Variants in WFDC11 observed in about 807,000 individuals in gnomAD.
WFDC11 encodes WAP four-disulfide core domain 11.
In WFDC11, 9 loss-of-function variants were observed where a neutral mutation model predicts 9.9. The ratio of observed to expected loss-of-function variants is 0.91; its 90% CI spans 0.55 to 1.58. The LOEUF (loss-of-function observed/expected upper bound fraction) is 1.58. WFDC11 is among the 40% of genes most tolerant of loss of function. The pLI is 0.00. For missense variants in WFDC11, 106 were observed against 101.7 expected (o/e 1.04, Z -0.18); for synonymous variants, 32 against 33.3 (o/e 0.96, Z 0.13).
At position 45,669,833 on chromosome 20, in the gene WFDC11, G is replaced by A. The variant is rs187778222; in HGVS notation, c.-134+345C>T. On this transcript the variant is annotated intron_variant, in intron 1 of 4. Transcript: ENST00000324384. ...AAATAACCAAAATTAGAGCTGAACT[G>A]AACAAAATGGAGATAAGGGAAACCA... Among the ~76,000 whole-genome samples, 6 of 152,104 alleles carry A rather than the reference G, an allele frequency of 3.9e-5. No homozygotes were observed. The East Asian group carries it at 7.7e-4, about 20-fold the overall frequency.
intron 2 of WFDC11, among the ~76,000 whole-genome samples, chr20:45,662,295 T>G (rs2145622212): frequency 6.6e-6 from 1 of 152,350 alleles, no homozygotes; most frequent in Non-Finnish European, 1.5e-5. Flanking sequence ...CTGAAGTTGC[T>G]TATCAGCTTA....
Position 45,648,634 on chromosome 20 carries a change from T to G in WFDC11, c.*85A>C. 1.4e-6 allele frequency: 2 copies of G among 1,463,558 alleles called. No individual in the cohort carries two copies. Among genetic ancestry groups the G allele is most frequent in the Non-Finnish European group, 9.5e-7 (1 of 1,053,310 alleles). 90.7% of individuals were successfully genotyped at this position (1,463,558 alleles called of 1,614,324 possible). On this transcript the variant is annotated 3_prime_UTR_variant, in exon 5 of 5. Transcript: ENST00000324384. ...CTCAGTAAAAATAGACTGGTGTTCCTAAAAGTAGCCACAGGGTACTACTAT... is the reference window on the plus strand; with the variant it reads ...CTCAGTAAAAATAGACTGGTGTTCCGAAAAGTAGCCACAGGGTACTACTAT...
At position 45,650,487 on chromosome 20, in the gene WFDC11, GC is replaced by G. The variant is rs1214742643; in HGVS notation, c.100+13del. The G allele has an allele frequency of 1.2e-6, 2 of 1,608,620 alleles. No homozygotes were observed. Among genetic ancestry groups the G allele is most frequent in the Non-Finnish European group, 1.7e-6 (2 of 1,175,478 alleles). ...TCCCCCTCCTGTGGCCCCTAATCCA[GC>G]CTCACCACCTACTGTCATATCTTTT... On this transcript the variant is annotated intron_variant, in intron 3 of 4. Coordinates refer to ENST00000324384, the MANE Select transcript of WFDC11 (RefSeq NM_147197.2).
At chr20:45,652,981 G>A (rs1982844941) in intron 2 of WFDC11, among the ~76,000 whole-genome samples, 1 of 152,200 alleles carries the variant, frequency 6.6e-6, no homozygotes, top group Non-Finnish European at 1.5e-5. Context: ...GTGACAGGGA[G>A]AATGGAACCA....
intron 2 of WFDC11, among the ~76,000 whole-genome samples, chr20:45,656,223 T>TAAA (rs141256331): frequency 0.015 from 2,227 of 150,862 alleles, 51 homozygotes; most frequent in African/African-American, 0.051. Flanking sequence ...ATAGTACTGG[T>TAAA]AAAAAAAAAC....
At chr20:45,669,861 C>T (rs1458936387) in intron 1 of WFDC11, among the ~76,000 whole-genome samples, 1 of 152,106 alleles carries the variant, frequency 6.6e-6, no homozygotes, top group Admixed American at 6.5e-5. Context: ...GGAAACCATA[C>T]AAAAGATCCA....
chr20:45,669,715 A>G (rs970776162), intron 1 of WFDC11, among the ~76,000 whole-genome samples: 3 of 152,144 alleles, frequency 2.0e-5, no homozygotes, highest in African/African-American at 7.2e-5. Context: ...GCCCACATCA[A>G]AAAGTTAGAA....
rs547646811 is a variant in WFDC11 at position 45,662,888 on chromosome 20, T to G, written c.-52+4200A>C. 1.6e-4 allele frequency among the ~76,000 whole-genome samples: 25 copies of G among 152,268 alleles called. 1 individual carries two copies. Among genetic ancestry groups the G allele is most frequent in the East Asian group, 1.3e-3 (7 of 5,190 alleles). On this transcript the variant is annotated intron_variant, in intron 2 of 4. Transcript: ENST00000324384. The stretch of plus-strand genomic sequence containing the variant: ...ATATTGGTATAAAATTATCTTTTAT[T>G]GTAGTGTCTCTGCCAGCCTTTGGTA...
intron 2 of WFDC11, among the ~76,000 whole-genome samples, chr20:45,660,652 G>A (rs1259002922): frequency 6.6e-6 from 1 of 152,136 alleles, no homozygotes; most frequent in Non-Finnish European, 1.5e-5. Context: ...ACCTATGAGT[G>A]AGAATACGCG....
intron 4 of WFDC11, 129 bp from the exon 5 acceptor site, chr20:45,648,868 G>T: frequency 9.6e-7 from 1 of 1,038,148 alleles, no homozygotes; most frequent in Non-Finnish European, 1.4e-6. Flanking sequence ...AACAACAGGA[G>T]TTGTCCACTT....
chr20:45,660,294 G>A (rs1299320547), intron 2 of WFDC11, among the ~76,000 whole-genome samples: 1 of 152,162 alleles, frequency 6.6e-6, no homozygotes, highest in African/African-American at 2.4e-5. Flanking sequence ...TCAGGAACAG[G>A]TTATTTAATT....
chr20:45,662,823 A>G (rs531638717), intron 2 of WFDC11, among the ~76,000 whole-genome samples: 2 of 152,308 alleles, frequency 1.3e-5, no homozygotes, highest in Non-Finnish European at 2.9e-5. Flanking sequence ...TCAGTTTGCC[A>G]GTGTTTTATT....
At chr20:45,651,304 T>C (rs957014044) in intron 2 of WFDC11, among the ~76,000 whole-genome samples, 2 of 152,236 alleles carry the variant, frequency 1.3e-5, no homozygotes, top group African/African-American at 4.8e-5. Flanking sequence ...TTTTCAACTT[T>C]ATGATGGTGC....
chr20:45,658,334 T>C (rs1982979557), intron 2 of WFDC11, among the ~76,000 whole-genome samples: 1 of 152,226 alleles, frequency 6.6e-6, no homozygotes, highest in Non-Finnish European at 1.5e-5. Context: ...ATCCATCTTG[T>C]ATAACTGAAA....
Position 45,657,465 on chromosome 20 carries a change from G to A in WFDC11, c.-51-6814C>T, listed in dbSNP as rs201580793. On this transcript the variant is annotated intron_variant, in intron 2 of 4. Coordinates refer to ENST00000324384, the MANE Select transcript of WFDC11 (RefSeq NM_147197.2). ...GGGGGAGGGGGGAGGGATAGCATTT[G>A]GAGACATACCTAATGTTAAATGACG... Among the ~76,000 whole-genome samples the A allele has an allele frequency of 4.0e-5, 6 of 151,128 alleles. No homozygotes were observed. In the East Asian group the frequency reaches 5.8e-4, roughly 15 times the overall value.
Position 45,663,732 on chromosome 20 carries a change from C to T in WFDC11, c.-52+3356G>A, listed in dbSNP as rs541144300. On this transcript the variant is annotated intron_variant, in intron 2 of 4. Transcript: ENST00000324384. The stretch of plus-strand genomic sequence containing the variant: ...GTTGTTCAGTTTCCATGTAGTTGAG[C>T]GGTTTTGAGTGAGTTTCTTAATCTT... 4.8e-4 allele frequency among the ~76,000 whole-genome samples: 73 copies of T among 152,178 alleles called. 1 individual carries two copies. The highest frequency in any genetic ancestry group is 1.4e-3 in the African/African-American group (58 of 41,534).
At chr20:45,666,882 A>G (rs946678262) in intron 2 of WFDC11, among the ~76,000 whole-genome samples, 7 of 152,216 alleles carry the variant, frequency 4.6e-5, no homozygotes, top group African/African-American at 1.7e-4. Flanking sequence ...GATATCATAT[A>G]TGGAGGCACA....
intron 2 of WFDC11, 149 bp from the exon 3 acceptor site, chr20:45,650,800 C>T: frequency 2.0e-6 from 1 of 488,082 alleles, no homozygotes; most frequent in Non-Finnish European, 3.6e-6. Flanking sequence ...GTTGGCTTTG[C>T]CAAAAGGAAT....
Position 45,650,619 on chromosome 20 carries a change from T to C in WFDC11, c.-19A>G. The C allele has an allele frequency of 1.9e-6, 3 of 1,598,042 alleles. No individual in the cohort carries two copies. Among genetic ancestry groups the C allele is most frequent in the Non-Finnish European group, 2.6e-6 (3 of 1,165,564 alleles). ...TGACCATATGTGTCTGAATATGTGT[T>C]GTCAGAAGGATTATTTTTCTTCCCA... is the stretch of plus-strand genomic sequence containing the variant. On this transcript the variant is annotated 5_prime_UTR_variant, in exon 3 of 5. Transcript: ENST00000324384.
Sources: allele counts gnomAD v4.1 joint callset (sites outside exome capture counted in the v4.1 genomes callset), GRCh38; gene constraint gnomAD v4.1.1; transcripts MANE v1.5; gene names NCBI Gene and HGNC (gene_info 2026-07-23, HGNC 2026-07-21).